PSMB2: variants seen among roughly 807,000 people sequenced by gnomAD.
PSMB2 encodes proteasome 20S subunit beta 2, also known as proteasome subunit beta type-2.
A neutral mutation model predicts 25.7 loss-of-function variants in PSMB2; 13 were observed. The ratio of observed to expected loss-of-function variants is 0.51; its 90% confidence interval spans 0.33 to 0.80. The LOEUF (loss-of-function observed/expected upper bound fraction) is 0.80. Ranked by LOEUF, PSMB2 falls within the 30% of genes least tolerant of loss-of-function variation. The pLI, the probability that PSMB2 is intolerant of heterozygous loss-of-function variation, is 0.02. For missense variants in PSMB2, 202 were observed against 259.0 expected, an observed-to-expected ratio of 0.78 and a Z score of 1.51; for synonymous variants, 87 against 96.2, an observed-to-expected ratio of 0.90 and a Z score of 0.56.
intron 3 of PSMB2, among the ~76,000 whole-genome samples, chr1:35,625,993 C>T (rs949138132): frequency 2.6e-5 from 4 of 151,812 alleles, no homozygotes; most frequent in African/African-American, 9.7e-5. Flanking sequence ...TGTGCCACCA[C>T]ATCTGGCTAA....
intron 1 of PSMB2, among the ~76,000 whole-genome samples, chr1:35,637,256 T>C (rs954675421): frequency 2.0e-5 from 3 of 152,150 alleles, no homozygotes; most frequent in African/African-American, 7.2e-5. Flanking sequence ...GAAAATCAAC[T>C]GAGAATATTA....
At chr1:35,614,633 CA>C (rs1284001354) in intron 3 of PSMB2, among the ~76,000 whole-genome samples, 6 of 152,166 alleles carry the variant, frequency 3.9e-5, no homozygotes, top group Admixed American at 6.5e-5. Flanking sequence ...CCTAAATATC[CA>C]AACATTCATC....
chr1:35,609,908 C>T (rs80128410), intron 3 of PSMB2, among the ~76,000 whole-genome samples: 5,848 of 152,156 alleles, frequency 0.038, 354 homozygotes, highest in African/African-American at 0.12. Context: ...TATATATATA[C>T]ACACATACGA....
chr1:35,634,282 A>T (rs1405529011), intron 2 of PSMB2, among the ~76,000 whole-genome samples: 2 of 152,358 alleles, frequency 1.3e-5, no homozygotes, highest in Non-Finnish European at 2.9e-5. Context: ...TTCAGAGATA[A>T]GGAAAATAAA....
intron 1 of PSMB2, among the ~76,000 whole-genome samples, chr1:35,640,891 G>C (rs1232585522): frequency 2.0e-5 from 3 of 152,180 alleles, no homozygotes; most frequent in African/African-American, 7.2e-5. Flanking sequence ...AGCCCTGGAG[G>C]AGCAAATGCC....
chr1:35,638,174 G>GT (rs1651297734), intron 1 of PSMB2, among the ~76,000 whole-genome samples: 1 of 152,116 alleles, frequency 6.6e-6, no homozygotes, highest in Non-Finnish European at 1.5e-5. Context: ...GGCCAAAAAT[G>GT]TTTTTTAAAC....
chr1:35,620,602 C>T (rs1650652023), intron 3 of PSMB2, among the ~76,000 whole-genome samples: 1 of 149,426 alleles, frequency 6.7e-6, no homozygotes, highest in Non-Finnish European at 1.5e-5. Flanking sequence ...TCCTCGGGTG[C>T]CTGTAGTCCC....
At chr1:35,628,479 A>C (rs1056437009) in intron 3 of PSMB2, among the ~76,000 whole-genome samples, 4 of 150,282 alleles carry the variant, frequency 2.7e-5, no homozygotes, top group African/African-American at 9.8e-5. Context: ...TGAACACCAC[A>C]GGAACTTCTG....
At chr1:35,605,395 C>A in intron 4 of PSMB2, 113 bp from the exon 5 acceptor site, 1 of 1,043,100 alleles carries the variant, frequency 9.6e-7, no homozygotes, top group Admixed American at 2.1e-5. Flanking sequence ...GCCACACAAA[C>A]GTAAAAGGCA....
chr1:35,625,397 T>G (rs1342903124), intron 3 of PSMB2, among the ~76,000 whole-genome samples: 1 of 152,176 alleles, frequency 6.6e-6, no homozygotes, highest in Non-Finnish European at 1.5e-5. Flanking sequence ...TACCTGTCTC[T>G]CTATCTGTTA....
chr1:35,633,686 T>G (rs141654071), intron 2 of PSMB2, among the ~76,000 whole-genome samples: 2,790 of 152,330 alleles, frequency 0.018, 97 homozygotes, highest in African/African-American at 0.063. Flanking sequence ...AAAGCAGAAT[T>G]CTTGAAATAT....
Position 35,602,677 on chromosome 1 carries a change from T to C in PSMB2, c.*590A>G, listed in dbSNP as rs1462944591. ...CACGCCCAGCTAATTTTTGTATTTTTAGTAGAGACGGGGTTTTACCATGTT... is the reference window on the plus strand; with the variant it reads ...CACGCCCAGCTAATTTTTGTATTTTCAGTAGAGACGGGGTTTTACCATGTT... On this transcript the variant is annotated 3_prime_UTR_variant, in exon 6 of 6. Transcript: ENST00000373237. The C allele has an allele frequency of 1.9e-5, 3 of 157,780 alleles. No homozygotes were observed. Among genetic ancestry groups the C allele is most frequent in the Non-Finnish European group, 4.1e-5 (3 of 73,168 alleles). 9.8% of individuals were successfully genotyped at this position (157,780 alleles called of 1,614,324 possible).
chr1:35,626,385 A>G (rs2148573015), intron 3 of PSMB2, among the ~76,000 whole-genome samples: 1 of 152,340 alleles, frequency 6.6e-6, no homozygotes, highest in Admixed American at 6.5e-5. Flanking sequence ...ATTCCCTTCC[A>G]GTGTATAAAT....
intron 3 of PSMB2, among the ~76,000 whole-genome samples, chr1:35,615,271 T>C (rs1423668258): frequency 6.6e-6 from 1 of 152,266 alleles, no homozygotes; most frequent in Non-Finnish European, 1.5e-5. Flanking sequence ...TATGTACTTC[T>C]TTCCGAGACT....
chr1:35,620,186 T>C (rs777897014), intron 3 of PSMB2, among the ~76,000 whole-genome samples: 55 of 152,226 alleles, frequency 3.6e-4, no homozygotes, highest in Non-Finnish European at 7.6e-4. Context: ...GATGGTCTTC[T>C]AGAAAAGAGT....
chr1:35,623,069 A>C (rs1015551082), intron 3 of PSMB2, among the ~76,000 whole-genome samples: 2 of 152,186 alleles, frequency 1.3e-5, no homozygotes, highest in Non-Finnish European at 2.9e-5. Context: ...TAATTGAGAC[A>C]CCTCAACTTC....
rs534369079 is a variant in PSMB2 at position 35,615,538 on chromosome 1, T to C, written c.286-6130A>G. ...AAATTTTACAGCTAAAGAGAATGGT[T>C]GTGATAAATACACTGAAACAACAAA... On this transcript the variant is annotated intron_variant, in intron 3 of 5. Transcript: ENST00000373237. 2.4e-4 allele frequency among the ~76,000 whole-genome samples: 36 copies of C among 152,344 alleles called. No individual in the cohort carries two copies. The South Asian group carries it at 7.2e-3, about 31-fold the overall frequency.
At chr1:35,630,373 C>T (rs969999089) in intron 3 of PSMB2, among the ~76,000 whole-genome samples, 5 of 152,062 alleles carry the variant, frequency 3.3e-5, no homozygotes, top group Non-Finnish European at 5.9e-5. Context: ...TATGTTCAAA[C>T]AAAAACCTGC....
intron 1 of PSMB2, among the ~76,000 whole-genome samples, chr1:35,639,169 G>A (rs934160885): frequency 3.9e-5 from 6 of 152,042 alleles, no homozygotes; most frequent in African/African-American, 1.2e-4. Context: ...CAGGAGAATC[G>A]CTTGAACCCA....
Sources: gnomAD v4.1 joint callset for allele counts (sites outside exome capture counted in the v4.1 genomes callset) on GRCh38, gnomAD v4.1.1 for gene constraint, MANE v1.5 for transcripts, NCBI Gene and HGNC (gene_info 2026-07-23, HGNC 2026-07-21) for gene names.